Variants in RRBP1 observed in about 807,000 individuals in gnomAD.
The protein encoded by RRBP1 is ribosome-binding protein 1.
RRBP1 carries 94 observed loss-of-function variants against 165.2 expected under a neutral mutation model. That is an observed-to-expected ratio of 0.57 (90% CI 0.48 to 0.68). RRBP1 has a LOEUF of 0.68. RRBP1 is among the 30% of genes least tolerant of loss of function. The pLI is 0.00. For synonymous variants in RRBP1, 680 were observed against 714.5 expected, an observed-to-expected ratio of 0.95 and a Z score of 0.77; for missense variants, 1,676 against 1,763.0, an observed-to-expected ratio of 0.95 and a Z score of 0.88.
chr20:17,679,257 G>A (rs752117172), intron 2 of RRBP1, among the ~76,000 whole-genome samples: 1 of 152,236 alleles, frequency 6.6e-6, no homozygotes, highest in Non-Finnish European at 1.5e-5. Context: ...GTTGGGCTAA[G>A]CTTCATTTAT....
chr20:17,639,931 T>G (rs2036320009), intron 5 of RRBP1, among the ~76,000 whole-genome samples: 1 of 147,140 alleles, frequency 6.8e-6, no homozygotes, highest in Admixed American at 6.7e-5. Context: ...GGTAAACACA[T>G]CGGCTCTGCT....
intron 2 of RRBP1, among the ~76,000 whole-genome samples, chr20:17,671,059 T>C (rs1450211290): frequency 2.0e-5 from 3 of 152,234 alleles, no homozygotes; most frequent in Admixed American, 2.0e-4. Flanking sequence ...ATTCACTCTC[T>C]TCAGTTTTAT....
chr20:17,657,159 C>T (rs147763593), intron 3 of RRBP1, among the ~76,000 whole-genome samples: 93 of 152,326 alleles, frequency 6.1e-4, no homozygotes, highest in African/African-American at 2.1e-3. Flanking sequence ...AGTGGAACAT[C>T]ATGTTAAAGA....
chr20:17,651,394 T>C (rs2036554282), intron 3 of RRBP1, among the ~76,000 whole-genome samples: 5 of 152,246 alleles, frequency 3.3e-5, no homozygotes, highest in Admixed American at 3.3e-4. Flanking sequence ...TAGGACTTTA[T>C]TTTGTAGAGA....
chr20:17,647,500 GA>G (rs959679018), intron 3 of RRBP1, among the ~76,000 whole-genome samples: 5 of 152,168 alleles, frequency 3.3e-5, no homozygotes, highest in African/African-American at 1.2e-4. Flanking sequence ...TTGAATTTGA[GA>G]AAAAGATTTC....
intron 2 of RRBP1, among the ~76,000 whole-genome samples, chr20:17,669,608 G>C (rs905317803): frequency 6.6e-6 from 1 of 152,150 alleles, no homozygotes; most frequent in Non-Finnish European, 1.5e-5. Context: ...ACCATTATAA[G>C]GATCAAATCT....
At chr20:17,680,935 G>A (rs1051157875) in intron 1 of RRBP1, among the ~76,000 whole-genome samples, 1 of 152,114 alleles carries the variant, frequency 6.6e-6, no homozygotes, top group Non-Finnish European at 1.5e-5. Flanking sequence ...GACCCCGAAC[G>A]AAACAACTTG....
intron 2 of RRBP1, among the ~76,000 whole-genome samples, chr20:17,662,829 C>A (rs952769882): frequency 5.9e-5 from 9 of 152,130 alleles, no homozygotes; most frequent in African/African-American, 1.9e-4. Context: ...TGGGTACTTA[C>A]AAGATTTCTC....
intron 3 of RRBP1, among the ~76,000 whole-genome samples, chr20:17,654,903 G>C (rs2036621567): frequency 6.6e-6 from 1 of 152,150 alleles, no homozygotes; most frequent in African/African-American, 2.4e-5. Flanking sequence ...TTTCTCAGTT[G>C]TTTTAACATC....
intron 2 of RRBP1, among the ~76,000 whole-genome samples, 151 bp downstream of exon 2, chr20:17,679,848 T>G (rs1175819927): frequency 6.6e-6 from 1 of 152,248 alleles, no homozygotes; most frequent in Non-Finnish European, 1.5e-5. Flanking sequence ...AGAGTTGTTA[T>G]AGTGCCTAGA....
intron 3 of RRBP1, among the ~76,000 whole-genome samples, chr20:17,653,694 C>T (rs958985096): frequency 6.6e-6 from 1 of 152,090 alleles, no homozygotes; most frequent in Non-Finnish European, 1.5e-5. Flanking sequence ...ATCAGCTGGG[C>T]GTGGTGGTGG....
chr20:17,628,881 G>C (rs2036088247), intron 9 of RRBP1, among the ~76,000 whole-genome samples: 1 of 152,232 alleles, frequency 6.6e-6, no homozygotes, highest in Non-Finnish European at 1.5e-5. Context: ...AACACAGCCA[G>C]GCCCCTCTGT....
chr20:17,620,190 A>T, intron 18 of RRBP1, 109 bp downstream of exon 18: 1 of 817,794 alleles, frequency 1.2e-6, no homozygotes, highest in Non-Finnish European at 2.1e-6. Flanking sequence ...TGCCTCTCTT[A>T]AGGCACACGG....
chr20:17,645,741 C>G (rs528900116), intron 3 of RRBP1, among the ~76,000 whole-genome samples: 1 of 152,314 alleles, frequency 6.6e-6, no homozygotes, highest in Admixed American at 6.5e-5. Context: ...AGCAAATACT[C>G]GAAGATACCA....
chr20:17,646,938 G>A (rs1270315527), intron 3 of RRBP1, among the ~76,000 whole-genome samples: 1 of 152,202 alleles, frequency 6.6e-6, no homozygotes, highest in Non-Finnish European at 1.5e-5. Flanking sequence ...GAGCACCCCT[G>A]CACTGTGCAC....
At chr20:17,618,072 C>G (rs1428722638) in intron 20 of RRBP1, among the ~76,000 whole-genome samples, 3 of 152,216 alleles carry the variant, frequency 2.0e-5, no homozygotes, top group African/African-American at 7.2e-5. Context: ...TCTCTGCACC[C>G]GGCAGCTGGT....
Position 17,618,580 on chromosome 20 carries a change from C to A in RRBP1, c.3759+16G>T, listed in dbSNP as rs767150545. ...CCAGGTCACACTCCTGGCATGGGGA[C>A]ATGGAGGCCACCTACCAGGGCAAGC... On this transcript the variant is annotated intron_variant, in intron 20 of 24. Coordinates refer to ENST00000377813, the MANE Select transcript of RRBP1 (RefSeq NM_001365613.2). 1.2e-6 allele frequency: 2 copies of A among 1,606,898 alleles called. No homozygotes were observed.
chr20:17,681,493 G>C (rs1363413706), intron 1 of RRBP1, among the ~76,000 whole-genome samples: 1 of 149,064 alleles, frequency 6.7e-6, no homozygotes, highest in South Asian at 2.1e-4. Context: ...CGGCCCGTGG[G>C]CCCCCATTCA....
intron 18 of RRBP1, 117 bp downstream of exon 18, chr20:17,620,182 C>T (rs1388715625): frequency 3.9e-6 from 3 of 760,294 alleles, no homozygotes; most frequent in East Asian, 2.5e-5. Context: ...AGAGAGAATG[C>T]CTCTCTTAAG....
Sources: allele counts gnomAD v4.1 joint callset (sites outside exome capture counted in the v4.1 genomes callset), GRCh38; gene constraint gnomAD v4.1.1; transcripts MANE v1.5; gene names NCBI Gene and HGNC (gene_info 2026-07-23, HGNC 2026-07-21).